ELMO1: variants seen among roughly 807,000 people sequenced by gnomAD.
The protein encoded by ELMO1 is engulfment and cell motility 1.
ELMO1 carries 26 observed loss-of-function variants against 98.9 expected under a neutral mutation model. The observed-to-expected ratio is 0.26, with a 90% CI of 0.19 to 0.36. The LOEUF (loss-of-function observed/expected upper bound fraction) is 0.36, where lower values mean the gene tolerates loss of function less well. ELMO1 is among the 10% of genes least tolerant of loss of function. ELMO1 has a pLI of 1.00. For synonymous variants in ELMO1, 346 were observed against 346.0 expected, an observed-to-expected ratio of 1.00 and a Z score of 0.00; for missense variants, 627 against 935.2, an observed-to-expected ratio of 0.67 and a Z score of 4.30.
At chr7:36,937,293 A>C (rs528570134) in intron 16 of ELMO1, among the ~76,000 whole-genome samples, 1 of 152,356 alleles carries the variant, frequency 6.6e-6, no homozygotes, top group East Asian at 1.9e-4. Flanking sequence ...GGCAATATGA[A>C]GACAGTCACA....
At chr7:36,877,627 A>G (rs1301983108) in intron 19 of ELMO1, among the ~76,000 whole-genome samples, 1 of 152,212 alleles carries the variant, frequency 6.6e-6, no homozygotes, top group Non-Finnish European at 1.5e-5. Context: ...TAAATGTTGT[A>G]GGGGTCAGGC....
intron 13 of ELMO1, among the ~76,000 whole-genome samples, chr7:37,175,472 A>C: frequency 6.6e-6 from 1 of 152,150 alleles, no homozygotes; most frequent in South Asian, 2.1e-4. Flanking sequence ...CCCACCATGG[A>C]GTTACACCCA....
intron 14 of ELMO1, among the ~76,000 whole-genome samples, chr7:37,127,004 T>C (rs1212181530): frequency 3.9e-5 from 6 of 152,206 alleles, no homozygotes; most frequent in African/African-American, 1.4e-4. Context: ...CGTTAAATGT[T>C]TATCTAACTT....
intron 16 of ELMO1, among the ~76,000 whole-genome samples, chr7:37,012,749 A>G (rs1793645524): frequency 6.6e-6 from 1 of 152,224 alleles, no homozygotes; most frequent in Non-Finnish European, 1.5e-5. Flanking sequence ...ACTGTAAACC[A>G]AGAAATGTTG....
At chr7:37,096,376 A>C (rs1784364881) in intron 15 of ELMO1, among the ~76,000 whole-genome samples, 1 of 152,206 alleles carries the variant, frequency 6.6e-6, no homozygotes, top group Non-Finnish European at 1.5e-5. Flanking sequence ...ATGATATTTG[A>C]AACTCAGCCA....
At chr7:37,064,065 G>T (rs1033809706) in intron 15 of ELMO1, among the ~76,000 whole-genome samples, 3 of 151,912 alleles carry the variant, frequency 2.0e-5, no homozygotes, top group African/African-American at 7.3e-5. Flanking sequence ...TCTTTCTCTG[G>T]GCCTACATGG....
chr7:37,446,013 AAAGGGAGGAGTCT>A (rs1465048688), intron 1 of ELMO1, among the ~76,000 whole-genome samples: 2 of 152,234 alleles, frequency 1.3e-5, no homozygotes, highest in Non-Finnish European at 2.9e-5. Context: ...TCAGGCAGAA[AAAGGGAGGAGTCT>A]ACTCAAGGCA....
At chr7:37,098,580 G>A (rs187333017) in intron 14 of ELMO1, among the ~76,000 whole-genome samples, 2 of 152,264 alleles carry the variant, frequency 1.3e-5, no homozygotes, top group Admixed American at 1.3e-4. Flanking sequence ...AGGTGAGCTG[G>A]GCAGTGGGCT....
At chr7:37,216,979 A>T (rs1402010587) in intron 10 of ELMO1, among the ~76,000 whole-genome samples, 3 of 152,234 alleles carry the variant, frequency 2.0e-5, no homozygotes, top group African/African-American at 7.2e-5. Flanking sequence ...GCTAAATAAA[A>T]ATCAGGCACT....
chr7:37,398,284 A>G (rs956963752), intron 1 of ELMO1, among the ~76,000 whole-genome samples: 5 of 152,226 alleles, frequency 3.3e-5, no homozygotes, highest in Non-Finnish European at 7.3e-5. Flanking sequence ...ATGCTAGTAA[A>G]GATGTACTAA....
chr7:37,240,583 C>T (rs1473555955), intron 7 of ELMO1, among the ~76,000 whole-genome samples: 1 of 151,246 alleles, frequency 6.6e-6, no homozygotes, highest in Non-Finnish European at 1.5e-5. Context: ...TTTTTTTAAA[C>T]CATCCTTCCT....
chr7:37,086,756 A>G (rs1373091396), intron 15 of ELMO1, among the ~76,000 whole-genome samples: 4 of 144,396 alleles, frequency 2.8e-5, no homozygotes, highest in South Asian at 2.1e-4. Context: ...AAAAAAAAAA[A>G]AAAAAAAAAG....
intron 13 of ELMO1, among the ~76,000 whole-genome samples, chr7:37,168,442 T>C (rs567556914): frequency 6.6e-6 from 1 of 152,324 alleles, no homozygotes; most frequent in Admixed American, 6.5e-5. Context: ...GTTTTTCTGC[T>C]CTGTTTTTTC....
intron 10 of ELMO1, chr7:37,217,693 G>A (rs1200737122): frequency 2.2e-6 from 1 of 457,072 alleles, no homozygotes; most frequent in East Asian, 6.9e-5. Flanking sequence ...CGCTAACAAA[G>A]GGAACGTGGG....
intron 1 of ELMO1, among the ~76,000 whole-genome samples, chr7:37,439,598 T>C (rs192855382): frequency 1.3e-5 from 2 of 152,384 alleles, no homozygotes; most frequent in East Asian, 3.9e-4. Flanking sequence ...ATCAGGGCTA[T>C]AAGCCCAGCA....
At chr7:37,386,236 G>A (rs1238129477) in intron 1 of ELMO1, among the ~76,000 whole-genome samples, 1 of 152,188 alleles carries the variant, frequency 6.6e-6, no homozygotes, top group Non-Finnish European at 1.5e-5. Flanking sequence ...CCTATCGGAT[G>A]TTGCAATTGT....
At chr7:37,293,784 A>G (rs1797887398) in intron 4 of ELMO1, among the ~76,000 whole-genome samples, 1 of 121,180 alleles carries the variant, frequency 8.3e-6, no homozygotes, top group African/African-American at 3.1e-5. Context: ...AAAAAAAAAA[A>G]GGAACTGTTA....
intron 16 of ELMO1, among the ~76,000 whole-genome samples, chr7:36,939,944 T>G (rs1388381390): frequency 6.6e-6 from 1 of 152,232 alleles, no homozygotes; most frequent in Non-Finnish European, 1.5e-5. Flanking sequence ...AACACACACC[T>G]TATCCTTACA....
rs1296323394 is a variant in ELMO1 at position 37,259,322 on chromosome 7, C to T, written c.272G>A (p.Arg91Gln). ...PAQNAQQLHE[R>Q]IQSSSMDAKL... Reference sequence around the variant, plus strand: ...GGCATCCATACTCGAGGACTGGATTCGTTCATGGAGCTGCTGGGCGTTCTG... The same window carrying T: ...GGCATCCATACTCGAGGACTGGATTTGTTCATGGAGCTGCTGGGCGTTCTG... The change falls in exon 6 of 22, where the codon CGA becomes CAA. Residue 91 changes from arginine to glutamine, a missense_variant. Around this residue, in one of 3 missense-constraint regions of ELMO1, gnomAD observed 123 missense variants for 171.2 expected, o/e 0.72. Transcript: ENST00000310758. The T allele has an allele frequency of 6.8e-6, 11 of 1,613,978 alleles. No homozygotes were observed. Among genetic ancestry groups the T allele is most frequent in the African/African-American group, 1.3e-5 (1 of 74,910 alleles).
Sources: allele counts gnomAD v4.1 joint callset (sites outside exome capture counted in the v4.1 genomes callset), GRCh38; gene constraint gnomAD v4.1.1; regional missense constraint gnomAD v4.1.1; transcripts MANE v1.5; gene names NCBI Gene and HGNC (gene_info 2026-07-23, HGNC 2026-07-21).